EPHA10: variants seen among roughly 807,000 people sequenced by gnomAD.
The protein encoded by EPHA10 is ephrin type-A receptor 10.
A neutral mutation model predicts 109.7 loss-of-function variants in EPHA10; 120 were observed. The observed-to-expected ratio is 1.09, with a 90% confidence interval of 0.94 to 1.27. The LOEUF is 1.27. EPHA10 is among the 50% of genes most tolerant of loss of function. The pLI is 0.00. For synonymous variants in EPHA10, 640 were observed against 618.9 expected (o/e 1.03, Z -0.51); for missense variants, 1,396 against 1,411.1 (o/e 0.99, Z 0.17).
At position 37,717,667 on chromosome 1, in the gene EPHA10, C is replaced by A; in HGVS notation, c.*705G>T. On this transcript the variant is annotated 3_prime_UTR_variant, in exon 17 of 17. Transcript: ENST00000373048. ...CATGGGGCCCCAGGGAGCACCAGGG[C>A]CTCTCATGGCCCGGCCTGGCCAGGA... 1 of 231,566 alleles carries A rather than the reference C, an allele frequency of 4.3e-6. No homozygotes were observed. Among genetic ancestry groups the A allele is most frequent in the Non-Finnish European group, 8.5e-6 (1 of 117,012 alleles). 14.3% of individuals were successfully genotyped at this position (231,566 alleles called of 1,614,324 possible). A position where few individuals can be genotyped will look rare whatever the true frequency, so the allele number is the denominator to read the frequency against.
intron 12 of EPHA10, 67 bp downstream of exon 12, chr1:37,720,716 G>A: frequency 6.3e-7 from 1 of 1,590,560 alleles, no homozygotes; most frequent in Non-Finnish European, 8.6e-7. Context: ...CTACCAAAGA[G>A]AAAAGTGAGG....
intron 1 of EPHA10, 36 bp from the exon 2 acceptor site, chr1:37,762,885 A>G: frequency 2.0e-6 from 3 of 1,535,224 alleles, no homozygotes; most frequent in Non-Finnish European, 2.6e-6. Context: ...TCAGAAATCG[A>G]GAAGGTCAGT....
chr1:37,739,984 C>T (rs1398930252), intron 5 of EPHA10, among the ~76,000 whole-genome samples: 2 of 151,926 alleles, frequency 1.3e-5, no homozygotes, highest in Non-Finnish European at 2.9e-5. Flanking sequence ...GTCCCAGACA[C>T]GTGGGAGGCT....
rs935629378 is a variant in EPHA10 at position 37,764,114 on chromosome 1, C to T, written c.106+847G>A. Among the ~76,000 whole-genome samples the T allele has an allele frequency of 6.6e-6, 1 of 152,196 alleles. No homozygotes were observed. Among genetic ancestry groups the T allele is most frequent in the Non-Finnish European group, 1.5e-5 (1 of 68,038 alleles). ...CACCCCGGAGTCTTGGGAGATTACC[C>T]TCTGGAGCTTAAACCAGGGGGTGGG... On this transcript the variant is annotated intron_variant, in intron 1 of 16. Transcript: ENST00000373048. This position sits in a 1 kb window ranked among gnomAD's most constrained non-coding sequence, Gnocchi z 5.8.
chr1:37,761,196 T>C, intron 3 of EPHA10: 1 of 1,467,626 alleles, frequency 6.8e-7, no homozygotes, highest in Non-Finnish European at 8.9e-7. Flanking sequence ...CCTTAGCCAG[T>C]CAATTTCATC....
chr1:37,758,573 A>G (rs1472353687), intron 3 of EPHA10, among the ~76,000 whole-genome samples: 1 of 152,054 alleles, frequency 6.6e-6, no homozygotes, highest in African/African-American at 2.4e-5. Flanking sequence ...GGACACCTTC[A>G]ATCTCTCTTG....
At chr1:37,755,096 G>A (rs1240434480) in intron 3 of EPHA10, among the ~76,000 whole-genome samples, 2 of 152,092 alleles carry the variant, frequency 1.3e-5, no homozygotes, top group African/African-American at 4.8e-5. Context: ...CACTGTGCCC[G>A]ACCCTTTATC....
chr1:37,750,464 G>GGAAGT (rs10653946), intron 5 of EPHA10, among the ~76,000 whole-genome samples: 120,164 of 151,504 alleles, frequency 0.79, 47,810 homozygotes, highest in Admixed American at 0.86. Flanking sequence ...AAAGGATAAG[G>GGAAGT]GAAGTGACAA....
rs1645693171 is a variant in EPHA10, at chr1:37,716,493, T to G, written c.*1879A>C. ...CCTGACTAAGGTGGTAGCAACATCT[T>G]GGTCTCCCCAGTACCCCCAGAGTCA... On this transcript the variant is annotated 3_prime_UTR_variant, in exon 17 of 17. Transcript: ENST00000373048. 4.3e-6 allele frequency: 1 copy of G among 232,480 alleles called. No homozygotes were observed. Among genetic ancestry groups the G allele is most frequent in the Admixed American group, 5.6e-5 (1 of 17,736 alleles). The allele number at this position is 232,480 out of a possible 1,614,324, so 14.4% of individuals were successfully genotyped here. A position where few individuals can be genotyped will look rare whatever the true frequency, so the allele number is the denominator to read the frequency against.
chr1:37,738,842 T>A (rs1646109362), intron 5 of EPHA10, among the ~76,000 whole-genome samples: 1 of 151,276 alleles, frequency 6.6e-6, no homozygotes, highest in Non-Finnish European at 1.5e-5. Context: ...TGAGTTCATG[T>A]CCTTTGCAGG....
intron 8 of EPHA10, among the ~76,000 whole-genome samples, chr1:37,725,662 G>C (rs934043202): frequency 4.6e-5 from 7 of 152,174 alleles, no homozygotes; most frequent in African/African-American, 7.2e-5. Context: ...AAGTCACCCA[G>C]GGTGGTGACA....
chr1:37,761,571 G>A lies in EPHA10; in HGVS notation c.684C>T (p.Ser228=), dbSNP rs1348822629. ...CCACTTCCACCAGTGTGGAGAAGGC[G>A]CTCTCGGCTGCGGTGGCTGGGAACG... ...LATFPATAAE[S]AFSTLVEVAG... The change falls in exon 3 of 17, where the codon AGC becomes AGT. Residue 228 remains serine (S), a synonymous_variant. Coordinates refer to ENST00000373048, the MANE Select transcript of EPHA10 (RefSeq NM_001099439.2). 1 of 1,598,142 alleles carries A rather than the reference G, an allele frequency of 6.3e-7. No individual in the cohort carries two copies.
intron 15 of EPHA10, 84 bp from the exon 16 acceptor site, chr1:37,718,900 G>C: frequency 6.7e-7 from 1 of 1,487,568 alleles, no homozygotes; most frequent in Non-Finnish European, 9.0e-7. Context: ...GCCAGCTGAG[G>C]ATGGACAGGA....
intron 5 of EPHA10, among the ~76,000 whole-genome samples, chr1:37,737,269 T>C (rs568491804): frequency 4.0e-4 from 61 of 152,200 alleles, no homozygotes; most frequent in African/African-American, 1.5e-3. Context: ...GGCAACACAG[T>C]GAGACTCCAT....
chr1:37,724,340 G>A (rs1293903321), intron 8 of EPHA10, among the ~76,000 whole-genome samples: 1 of 152,190 alleles, frequency 6.6e-6, no homozygotes, highest in African/African-American at 2.4e-5. Flanking sequence ...GGGATAAGCA[G>A]GGAAGATAAG....
chr1:37,733,491 TCA>T (rs1348790169), intron 6 of EPHA10, among the ~76,000 whole-genome samples: 1 of 152,186 alleles, frequency 6.6e-6, no homozygotes, highest in Non-Finnish European at 1.5e-5. Context: ...AGTGCTGGAA[TCA>T]CAGGTGGTAG....
intron 5 of EPHA10, among the ~76,000 whole-genome samples, chr1:37,747,566 A>C (rs1017367803): frequency 5.3e-5 from 8 of 151,582 alleles, no homozygotes; most frequent in African/African-American, 1.9e-4. Flanking sequence ...AAAAAAAAAA[A>C]AAAACTTCAG....
chr1:37,750,504 C>A (rs1646306497), intron 5 of EPHA10, among the ~76,000 whole-genome samples: 1 of 151,674 alleles, frequency 6.6e-6, no homozygotes, highest in Admixed American at 6.6e-5. Flanking sequence ...GAATGTAAAA[C>A]CTAAGGCTTA....
intron 5 of EPHA10, among the ~76,000 whole-genome samples, chr1:37,738,749 A>C (rs1646107654): frequency 6.6e-6 from 1 of 152,298 alleles, no homozygotes; most frequent in East Asian, 1.9e-4. Flanking sequence ...GGTGGAAGCA[A>C]CCTAAATGTC....
Sources: gnomAD v4.1 joint callset for allele counts (sites outside exome capture counted in the v4.1 genomes callset) on GRCh38, gnomAD v4.1.1 for gene constraint, Gnocchi (gnomAD v3.1) non-coding constraint, MANE v1.5 for transcripts, NCBI Gene and HGNC (gene_info 2026-07-23, HGNC 2026-07-21) for gene names.